The following CHKA variants were observed in gnomAD, a reference collection of about 807,000 sequenced individuals.
The protein encoded by CHKA is choline kinase alpha.
CHKA carries 34 observed loss-of-function variants against 60.1 expected under a neutral mutation model. The observed-to-expected ratio is 0.57, with a 90% CI of 0.43 to 0.75. CHKA has a LOEUF of 0.75. CHKA is among the 30% of genes least tolerant of loss of function. The pLI, the probability that CHKA is intolerant of heterozygous loss-of-function variation, is 0.00. For missense variants in CHKA, 563 were observed against 561.3 expected (o/e 1.00, Z -0.03); for synonymous variants, 217 against 223.1 (o/e 0.97, Z 0.24).
intron 3 of CHKA, among the ~76,000 whole-genome samples, chr11:68,079,707 A>C (rs1022477684): frequency 6.6e-6 from 1 of 152,214 alleles, no homozygotes; most frequent in African/African-American, 2.4e-5. Context: ...AATTCATATA[A>C]AATTCACATA....
Position 68,064,134 on chromosome 11 carries a change from C to T in CHKA, c.1232+391G>A, listed in dbSNP as rs545873969. Among the ~76,000 whole-genome samples the T allele has an allele frequency of 6.6e-5, 10 of 152,310 alleles. No individual in the cohort carries two copies. The South Asian group carries it at 2.1e-3, about 32-fold the overall frequency. On this transcript the variant is annotated intron_variant, in intron 10 of 11. Transcript: ENST00000265689. ...ATTAAAAAGAAGCTCCTAGGCCAGG[C>T]GCAGTGGCTCACATCTGTAATCCCA...
At chr11:68,059,935 G>A (rs1022499347) in intron 11 of CHKA, among the ~76,000 whole-genome samples, 7 of 152,166 alleles carry the variant, frequency 4.6e-5, no homozygotes, top group East Asian at 1.9e-4. Flanking sequence ...CTCCTTCTGC[G>A]TGTGTTCCTC....
Position 68,121,044 on chromosome 11 carries a change from G to T in CHKA, c.134C>A (p.Ser45Tyr). The T allele has an allele frequency of 9.0e-7, 1 of 1,110,488 alleles. No individual in the cohort carries two copies. The highest frequency in any genetic ancestry group is 1.1e-6 in the Non-Finnish European group (1 of 911,234). The allele number at this position is 1,110,488 out of a possible 1,614,324, so 68.8% of individuals were successfully genotyped here. Residue 45 changes from serine (S) to tyrosine (Y), a missense_variant, in exon 1 of 12, where the codon TCC (serine) becomes TAC (tyrosine). Physicochemically the swap from Ser to Tyr is moderately radical, Grantham distance 144. Transcript: ENST00000265689. ...QQRDAASDLE[S>Y]KQLGGQQPPL... ...CGGCTGTTGGCCGCCCAGCTGCTTG[G>T]ACTCGAGGTCGCTGGCGGCGTCGCG...
chr11:68,070,304 A>G lies in CHKA; in HGVS notation c.765-11T>C, dbSNP rs3819255. 6.3e-7 allele frequency: 1 copy of G among 1,576,424 alleles called. No homozygotes were observed. Among genetic ancestry groups the G allele is most frequent in the South Asian group, 1.1e-5 (1 of 90,088 alleles). ...ACTTCCTTTAGATACCTATTAAAAA[A>G]TTTTCAAAAAAGAACAGAACAAAGA... is the stretch of plus-strand genomic sequence containing the variant. On this transcript the variant is annotated splice_polypyrimidine_tract_variant and intron_variant, in intron 5 of 11. Coordinates refer to ENST00000265689, the MANE Select transcript of CHKA (RefSeq NM_001277.3).
At chr11:68,111,975 C>T (rs1480338699) in intron 1 of CHKA, among the ~76,000 whole-genome samples, 2 of 139,294 alleles carry the variant, frequency 1.4e-5, no homozygotes, top group South Asian at 2.4e-4. Context: ...ATCGCTTGAA[C>T]CTGGGAGGTG....
chr11:68,083,094 T>C (rs776778036), intron 2 of CHKA, among the ~76,000 whole-genome samples: 1 of 152,178 alleles, frequency 6.6e-6, no homozygotes, highest in African/African-American at 2.4e-5. Context: ...TCCTAATGAA[T>C]AGGGACTGCG....
intron 2 of CHKA, among the ~76,000 whole-genome samples, chr11:68,094,127 T>C (rs1039865775): frequency 6.6e-6 from 1 of 152,232 alleles, no homozygotes; most frequent in Admixed American, 6.5e-5. Flanking sequence ...TTAAATCACA[T>C]GTAATTTCAG....
intron 1 of CHKA, among the ~76,000 whole-genome samples, chr11:68,113,149 A>T (rs1381103918): frequency 1.3e-5 from 2 of 150,462 alleles, no homozygotes; most frequent in African/African-American, 4.9e-5. Context: ...TTAAATTAAA[A>T]TTTTAAAATG....
chr11:68,106,263 T>A (rs575805903), intron 1 of CHKA, among the ~76,000 whole-genome samples: 1 of 152,238 alleles, frequency 6.6e-6, no homozygotes, highest in South Asian at 2.1e-4. Context: ...AAGAACAGGC[T>A]AGGCCAAGCA....
intron 2 of CHKA, among the ~76,000 whole-genome samples, chr11:68,091,412 G>A (rs1857345491): frequency 6.6e-6 from 1 of 152,146 alleles, no homozygotes; most frequent in Non-Finnish European, 1.5e-5. Flanking sequence ...AAATAATATT[G>A]TATAGTTGTG....
intron 4 of CHKA, among the ~76,000 whole-genome samples, chr11:68,073,140 T>C (rs1856677839): frequency 6.6e-6 from 1 of 152,220 alleles, no homozygotes; most frequent in Admixed American, 6.5e-5. Flanking sequence ...TTATTCTGAA[T>C]TGTGTTAACA....
chr11:68,055,298 G>A (rs1014397274), intron 11 of CHKA, among the ~76,000 whole-genome samples: 1 of 152,194 alleles, frequency 6.6e-6, no homozygotes, highest in East Asian at 1.9e-4. Flanking sequence ...GCTGAGGCAG[G>A]AGAATTGCTT....
chr11:68,066,358 T>G, intron 8 of CHKA, 71 bp downstream of exon 8: 2 of 1,280,056 alleles, frequency 1.6e-6, no homozygotes, highest in Non-Finnish European at 2.3e-6. Context: ...TTTTCTCTAA[T>G]AACTGTTAAT....
At chr11:68,068,437 T>A (rs934457168) in intron 7 of CHKA, among the ~76,000 whole-genome samples, 26 of 151,844 alleles carry the variant, frequency 1.7e-4, no homozygotes, top group African/African-American at 6.0e-4. Flanking sequence ...TTTTTTTTTT[T>A]AACAGGATCT....
intron 2 of CHKA, among the ~76,000 whole-genome samples, chr11:68,089,469 T>A (rs1857284197): frequency 6.6e-6 from 1 of 152,186 alleles, no homozygotes; most frequent in Non-Finnish European, 1.5e-5. Context: ...ATATATATGG[T>A]GTCTCCTTAA....
chr11:68,061,692 C>A, intron 11 of CHKA: 1 of 538,788 alleles, frequency 1.9e-6, no homozygotes, highest in Non-Finnish European at 3.6e-6. Flanking sequence ...TTCTCTGAAG[C>A]AGGGGAGGCA....
Position 68,053,940 on chromosome 11 carries a change from G to A in CHKA, c.*48C>T, listed in dbSNP as rs1264702693. 1 of 1,558,268 alleles carries A rather than the reference G, an allele frequency of 6.4e-7. No individual in the cohort carries two copies. The highest frequency in any genetic ancestry group is 8.8e-7 in the Non-Finnish European group (1 of 1,131,926). ...AGCACAGAGGGGACCCCGCTCTGCTGCCTCCCCATGCAGTCCAGTGATGAG... is the reference window on the plus strand; with the variant it reads ...AGCACAGAGGGGACCCCGCTCTGCTACCTCCCCATGCAGTCCAGTGATGAG... On this transcript the variant is annotated 3_prime_UTR_variant, in exon 12 of 12. Coordinates refer to ENST00000265689, the MANE Select transcript of CHKA (RefSeq NM_001277.3).
At chr11:68,074,523 C>A (rs112723906) in intron 4 of CHKA, among the ~76,000 whole-genome samples, 194 bp downstream of exon 4, 13 of 152,250 alleles carry the variant, frequency 8.5e-5, no homozygotes, top group African/African-American at 3.1e-4. Flanking sequence ...GATGAATACA[C>A]CTTTACAGAA....
intron 2 of CHKA, among the ~76,000 whole-genome samples, chr11:68,096,356 C>T (rs1190859944): frequency 6.6e-6 from 1 of 152,004 alleles, no homozygotes; most frequent in African/African-American, 2.4e-5. Context: ...AGTGAAACTC[C>T]ATCTCAAAAA....
Sources: gnomAD v4.1 joint callset for allele counts (sites outside exome capture counted in the v4.1 genomes callset) on GRCh38, gnomAD v4.1.1 for gene constraint, MANE v1.5 for transcripts, NCBI Gene and HGNC (gene_info 2026-07-23, HGNC 2026-07-21) for gene names.